SNX29: variants seen among roughly 807,000 people sequenced by gnomAD.
SNX29 encodes the protein sorting nexin 29.
Under a neutral mutation model 102.1 loss-of-function variants are expected in SNX29, and 78 were observed. That is an observed-to-expected ratio of 0.76 (90% CI 0.64 to 0.92). The LOEUF is 0.92. SNX29 is among the 40% of genes least tolerant of loss of function. The probability of loss-of-function intolerance (pLI) is 0.00; values close to 1 mark genes in which losing one functional copy is unlikely to be tolerated. For synonymous variants in SNX29, 580 were observed against 414.5 expected, an observed-to-expected ratio of 1.40 and a Z score of -4.85; for missense variants, 1,280 against 1,061.7, an observed-to-expected ratio of 1.21 and a Z score of -2.86.
chr16:12,384,579 TGTTGA>T (rs2083284142), intron 16 of SNX29, among the ~76,000 whole-genome samples: 1 of 152,224 alleles, frequency 6.6e-6, no homozygotes, highest in African/African-American at 2.4e-5. Context: ...ATTTTTTTCT[TGTTGA>T]GTTGTTTGAG....
intron 15 of SNX29, among the ~76,000 whole-genome samples, chr16:12,324,159 G>C (rs959000740): frequency 2.6e-5 from 4 of 151,796 alleles, no homozygotes; most frequent in African/African-American, 9.7e-5. Flanking sequence ...CATTTTTGGG[G>C]GTCATTCCAT....
intron 15 of SNX29, among the ~76,000 whole-genome samples, chr16:12,314,175 C>T (rs1438179470): frequency 6.6e-6 from 1 of 152,018 alleles, no homozygotes; most frequent in Non-Finnish European, 1.5e-5. Flanking sequence ...TTTTTTTTAA[C>T]CTTTGTACAG....
chr16:12,048,505 G>A lies in SNX29; in HGVS notation c.633G>A (p.Thr211=), dbSNP rs755394958. 9.9e-6 allele frequency: 16 copies of A among 1,613,784 alleles called. No homozygotes were observed. The highest frequency in any genetic ancestry group is 8.0e-5 in the African/African-American group (6 of 74,892). ...QNVTSLLKES[T]QGVSSLFREI... ...TGACCTCCTTGCTGAAGGAGTCCAC[G>A]CAAGGAGTGAGCAGCCTGTTCAGGG... Residue 211 remains threonine (T), a synonymous_variant, in exon 7 of 21, where the codon ACG becomes ACA. Transcript: ENST00000566228.
chr16:12,014,715 A>T (rs1567527305), intron 3 of SNX29, among the ~76,000 whole-genome samples: 3 of 149,402 alleles, frequency 2.0e-5, no homozygotes, highest in Admixed American at 1.3e-4. Context: ...CTGGGCAACA[A>T]GAATGAAGCT....
At chr16:12,482,686 A>G (rs1182222137) in intron 19 of SNX29, among the ~76,000 whole-genome samples, 1 of 152,214 alleles carries the variant, frequency 6.6e-6, no homozygotes, top group Non-Finnish European at 1.5e-5. Context: ...AGACCTAGAC[A>G]TTATTCAAGG....
At chr16:12,542,637 C>A (rs746402476) in intron 20 of SNX29, among the ~76,000 whole-genome samples, 1 of 152,216 alleles carries the variant, frequency 6.6e-6, no homozygotes, top group Admixed American at 6.5e-5. Flanking sequence ...CAGTGTGGGT[C>A]TAACACTTAA....
chr16:12,052,188 A>G lies in SNX29; in HGVS notation c.1090A>G (p.Arg364Gly). Residue 364 changes from arginine (R) to glycine (G), a missense_variant, in exon 8 of 21, where the codon AGG (arginine) becomes GGG (glycine). Physicochemically the swap from Arg to Gly is moderately radical, Grantham distance 125 (BLOSUM62 -2). Transcript: ENST00000566228. ...EDDVYGNSSGRKHRGHSESPE... is the reference protein window; with the variant it reads ...EDDVYGNSSGGKHRGHSESPE... ...TGACGTGTATGGAAACTCATCAGGA[A>G]GGAAGCACAGGGGCCACTCGGAGTC... is the stretch of plus-strand genomic sequence containing the variant. 2.5e-6 allele frequency: 4 copies of G among 1,613,974 alleles called. No individual in the cohort carries two copies. The highest frequency in any genetic ancestry group is 3.4e-6 in the Non-Finnish European group (4 of 1,179,870).
intron 15 of SNX29, among the ~76,000 whole-genome samples, chr16:12,335,086 A>G (rs1407988109): frequency 6.6e-6 from 1 of 152,026 alleles, no homozygotes; most frequent in Non-Finnish European, 1.5e-5. Context: ...AAATGACATC[A>G]TCTGCAGCAG....
intron 20 of SNX29, among the ~76,000 whole-genome samples, chr16:12,553,393 A>C (rs541964768): frequency 7.9e-5 from 12 of 152,246 alleles, no homozygotes; most frequent in Non-Finnish European, 1.5e-4. Context: ...TTGAACATAT[A>C]AGTAGTTCTG....
intron 11 of SNX29, among the ~76,000 whole-genome samples, chr16:12,112,762 A>G (rs2053549723): frequency 6.6e-6 from 1 of 152,194 alleles, no homozygotes; most frequent in Non-Finnish European, 1.5e-5. Flanking sequence ...TTTTTGCTCC[A>G]ACATCACTGG....
At chr16:12,038,532 C>A (rs912353722) in intron 4 of SNX29, among the ~76,000 whole-genome samples, 8 of 152,174 alleles carry the variant, frequency 5.3e-5, no homozygotes, top group Non-Finnish European at 7.3e-5. Flanking sequence ...GTGTATATCC[C>A]TAAATTAAAT....
At chr16:12,419,073 C>T (rs1263750500) in intron 18 of SNX29, among the ~76,000 whole-genome samples, 1 of 152,180 alleles carries the variant, frequency 6.6e-6, no homozygotes, top group Non-Finnish European at 1.5e-5. Flanking sequence ...CAGAGAATAT[C>T]CTATCCCAAA....
intron 19 of SNX29, among the ~76,000 whole-genome samples, chr16:12,502,540 G>A (rs563796125): frequency 1.1e-4 from 17 of 152,204 alleles, no homozygotes; most frequent in African/African-American, 3.1e-4. Context: ...CACGGTGGCC[G>A]GGGCCTCATT....
chr16:12,550,561 A>G lies in SNX29; in HGVS notation c.2319-17945A>G, dbSNP rs139566928. ...AAAAAAAAAAAACCAAACACCAAAT[A>G]TGAGGATATATACTTCCACCGGTGC... On this transcript the variant is annotated intron_variant, in intron 20 of 20. Coordinates refer to ENST00000566228, the MANE Select transcript of SNX29 (RefSeq NM_032167.5). 8.6e-3 allele frequency among the ~76,000 whole-genome samples: 1,305 copies of G among 151,640 alleles called. 20 individuals carry two copies. The highest frequency in any genetic ancestry group is 8.6e-3 in the Non-Finnish European group (581 of 67,922).
At chr16:12,047,338 TG>T (rs1485140308) in intron 6 of SNX29, among the ~76,000 whole-genome samples, 3 of 152,218 alleles carry the variant, frequency 2.0e-5, no homozygotes, top group African/African-American at 7.2e-5. Flanking sequence ...CCAAGTTTTT[TG>T]TTGCCTCCTT....
rs1567232347 is a variant in SNX29, at chr16:12,573,500, G to GT, written c.*4874dup. The GT allele has an allele frequency of 1.3e-5, 3 of 224,706 alleles. No homozygotes were observed. Among genetic ancestry groups the GT allele is most frequent in the African/African-American group, 6.7e-5 (3 of 44,904 alleles). 13.9% of individuals were successfully genotyped at this position (224,706 alleles called of 1,614,324 possible). ...GCGGAAGATTCTAGATTCACTGGTG[G>GT]TTTAAGAGGCCCAGGGATTTAGTTC... On this transcript the variant is annotated 3_prime_UTR_variant, in exon 21 of 21. Transcript: ENST00000566228.
chr16:12,025,302 C>CAAAA (rs35724715), intron 3 of SNX29, among the ~76,000 whole-genome samples: 23,094 of 60,338 alleles, frequency 0.38, 5,378 homozygotes, highest in Non-Finnish European at 0.49. Flanking sequence ...AACTCCATCT[C>CAAAA]AAAAAAAAAA....
chr16:12,101,676 G>C (rs1382014844), intron 11 of SNX29, among the ~76,000 whole-genome samples: 2 of 152,086 alleles, frequency 1.3e-5, no homozygotes, highest in African/African-American at 4.8e-5. Flanking sequence ...GAGTCGCTGT[G>C]CCTGGCCTGA....
chr16:12,187,697 G>T (rs796326466), intron 13 of SNX29, among the ~76,000 whole-genome samples: 11 of 152,058 alleles, frequency 7.2e-5, no homozygotes, highest in African/African-American at 2.7e-4. Context: ...TTTTGAAGGT[G>T]TTTATTTGGG....
Sources: gnomAD v4.1 joint callset for allele counts (sites outside exome capture counted in the v4.1 genomes callset) on GRCh38, gnomAD v4.1.1 for gene constraint, MANE v1.5 for transcripts, NCBI Gene and HGNC (gene_info 2026-07-23, HGNC 2026-07-21) for gene names.